The following FANCI variants were observed in gnomAD, a reference collection of about 807,000 sequenced individuals.
FANCI encodes the protein FA complementation group I, also known as Fanconi anemia group I protein.
Under a neutral mutation model 176.1 loss-of-function variants are expected in FANCI, and 156 were observed. The ratio of observed to expected loss-of-function variants is 0.89; its 90% CI spans 0.78 to 1.01. The LOEUF (loss-of-function observed/expected upper bound fraction) is 1.01, where lower values mean the gene tolerates loss of function less well. Ranked by LOEUF, FANCI falls within the 50% of genes least tolerant of loss-of-function variation. The pLI, the probability that FANCI is intolerant of heterozygous loss-of-function variation, is 0.00. For synonymous variants in FANCI, 613 were observed against 541.7 expected, an observed-to-expected ratio of 1.13 and a Z score of -1.83; for missense variants, 1,678 against 1,534.1, an observed-to-expected ratio of 1.09 and a Z score of -1.57.
intron 2 of FANCI, among the ~76,000 whole-genome samples, chr15:89,249,484 A>G (rs1393859030): frequency 1.3e-5 from 2 of 152,110 alleles, no homozygotes; most frequent in Non-Finnish European, 2.9e-5. Flanking sequence ...AGTAGCTGGG[A>G]GTACAAGCAT....
intron 2 of FANCI, among the ~76,000 whole-genome samples, chr15:89,254,413 C>T (rs182917072): frequency 1.9e-3 from 295 of 152,126 alleles, no homozygotes; most frequent in African/African-American, 6.4e-3. Context: ...ACAGTGGGGG[C>T]GTGTCACAAA....
chr15:89,264,557 C>T lies in FANCI; in HGVS notation c.705C>T (p.Ala235=), dbSNP rs542117175. 27 of 1,613,828 alleles carry T rather than the reference C, an allele frequency of 1.7e-5. No individual in the cohort carries two copies. In the East Asian group the frequency reaches 6.0e-4, roughly 36 times the overall value. ...SRKSVLEGII[A]FFSALDKQHN... ...AGAGTGTTTTGGAAGGAATCATAGC[C>T]TTCTTCAGTGCACTAGATAAGCAGC... Residue 235 remains alanine, a synonymous_variant, in exon 9 of 38, where the codon GCC becomes GCT. Transcript: ENST00000310775.
intron 17 of FANCI, 26 bp downstream of exon 17, chr15:89,283,276 A>G: frequency 6.2e-7 from 1 of 1,613,538 alleles, no homozygotes; most frequent in Non-Finnish European, 8.5e-7. Flanking sequence ...GTTAACTTGC[A>G]GTGTGTGCGT....
intron 10 of FANCI, 106 bp from the exon 11 acceptor site, chr15:89,273,271 T>G (rs2053268003): frequency 1.5e-6 from 1 of 687,832 alleles, no homozygotes; most frequent in African/African-American, 1.9e-5. Flanking sequence ...ATCACTGCAC[T>G]CTAGCCTGGG....
At chr15:89,312,317 T>G (rs1001082670) in intron 34 of FANCI, among the ~76,000 whole-genome samples, 3 of 152,206 alleles carry the variant, frequency 2.0e-5, no homozygotes, top group African/African-American at 7.2e-5. Flanking sequence ...GCCCCTTGGC[T>G]GACCCACTGC....
At chr15:89,261,089 C>T (rs2052693356) in intron 4 of FANCI, among the ~76,000 whole-genome samples, 1 of 152,018 alleles carries the variant, frequency 6.6e-6, no homozygotes, top group Non-Finnish European at 1.5e-5. Flanking sequence ...CATGGTGAAA[C>T]CCCATCTCTA....
intron 1 of FANCI, among the ~76,000 whole-genome samples, chr15:89,244,670 T>C (rs892779064): frequency 2.0e-5 from 3 of 152,242 alleles, no homozygotes; most frequent in African/African-American, 4.8e-5. Context: ...GTGTCCTGTT[T>C]GCATCCGGTA....
chr15:89,311,175 C>T (rs1323337407), intron 34 of FANCI, among the ~76,000 whole-genome samples: 1 of 152,078 alleles, frequency 6.6e-6, no homozygotes, highest in East Asian at 1.9e-4. Context: ...AGGAGAATTG[C>T]TTGAACCCGG....
At chr15:89,299,205 A>G (rs1432135735) in intron 24 of FANCI, among the ~76,000 whole-genome samples, 1 of 151,570 alleles carries the variant, frequency 6.6e-6, no homozygotes. Flanking sequence ...TCTTATCTCT[A>G]TTCAAAAAAA....
rs370340738 is a variant in FANCI at position 89,244,506 on chromosome 15, G to A, written c.-20+473G>A. Among the ~76,000 whole-genome samples, 39 of 152,304 alleles carry A rather than the reference G, an allele frequency of 2.6e-4. 2 individuals carry two copies. Among genetic ancestry groups the A allele is most frequent in the East Asian group, 1.9e-3 (10 of 5,184 alleles). ...GATGCTCCCCAGCGTCTCTTGGCAA[G>A]GAATCTACTTCGCGTTCAGGGAATT... On this transcript the variant is annotated intron_variant, in intron 1 of 37. Coordinates refer to ENST00000310775, the MANE Select transcript of FANCI (RefSeq NM_001113378.2).
At chr15:89,314,308 A>G (rs1413761854) in intron 35 of FANCI, among the ~76,000 whole-genome samples, 1 of 152,264 alleles carries the variant, frequency 6.6e-6, no homozygotes, top group East Asian at 1.9e-4. Flanking sequence ...AATAGGCTTA[A>G]GAATTTCAAG....
At chr15:89,282,066 T>G in intron 16 of FANCI, 2 of 503,806 alleles carry the variant, frequency 4.0e-6, no homozygotes, top group Non-Finnish European at 7.3e-6. Context: ...ATTTTACAGA[T>G]AAGAAAAGTT....
At chr15:89,315,219 C>A in intron 36 of FANCI, 63 bp from the exon 37 acceptor site, 1 of 1,252,126 alleles carries the variant, frequency 8.0e-7, no homozygotes, top group Non-Finnish European at 1.2e-6. Context: ...CTAAAAATGG[C>A]TTAAGCTGTT....
chr15:89,260,074 GA>G (rs1315967992), intron 3 of FANCI, among the ~76,000 whole-genome samples: 2 of 152,070 alleles, frequency 1.3e-5, no homozygotes, highest in African/African-American at 4.8e-5. Flanking sequence ...AATGTGGCTG[GA>G]TTAGGATGCC....
chr15:89,268,765 T>C (rs1462285718), intron 10 of FANCI: 2 of 473,500 alleles, frequency 4.2e-6, no homozygotes, highest in African/African-American at 3.9e-5. Context: ...GAAAGTTCTA[T>C]TTAAAAAAAC....
chr15:89,317,221 T>G (rs568031019), downstream of FANCI: 5 of 691,944 alleles, frequency 7.2e-6, no homozygotes, highest in East Asian at 1.3e-4. Flanking sequence ...ACATTCACTC[T>G]GGACACAGGG....
intron 2 of FANCI, among the ~76,000 whole-genome samples, chr15:89,253,182 C>T (rs545714504): frequency 6.6e-6 from 1 of 151,878 alleles, no homozygotes; most frequent in South Asian, 2.1e-4. Context: ...CAAGTAAAAT[C>T]TAGTATATAA....
At chr15:89,285,271 T>G in intron 18 of FANCI, 53 bp downstream of exon 18, 2 of 1,601,158 alleles carry the variant, frequency 1.2e-6, no homozygotes, top group Non-Finnish European at 1.7e-6. Flanking sequence ...ATAATTTTTA[T>G]TTTAGTAATT....
At chr15:89,313,922 C>T (rs2055069564) in intron 35 of FANCI, among the ~76,000 whole-genome samples, 1 of 150,456 alleles carries the variant, frequency 6.6e-6, no homozygotes, top group African/African-American at 2.5e-5. Context: ...CACACACACA[C>T]ACACGTAGGA....
Sources: gnomAD v4.1 joint callset for allele counts (sites outside exome capture counted in the v4.1 genomes callset) on GRCh38, gnomAD v4.1.1 for gene constraint, MANE v1.5 for transcripts, NCBI Gene and HGNC (gene_info 2026-07-23, HGNC 2026-07-21) for gene names.